The following EIF4G3 variants were observed in gnomAD, a reference collection of about 807,000 sequenced individuals.
EIF4G3 encodes eukaryotic translation initiation factor 4 gamma 3.
In EIF4G3, 34 loss-of-function variants were observed where a neutral mutation model predicts 186.4. The observed-to-expected ratio is 0.18, with a 90% confidence interval of 0.14 to 0.24. The LOEUF is 0.24. Ranked by LOEUF, EIF4G3 falls within the 10% of genes least tolerant of loss-of-function variation. EIF4G3 has a pLI of 1.00. For synonymous variants in EIF4G3, 673 were observed against 679.5 expected, an observed-to-expected ratio of 0.99 and a Z score of 0.15; for missense variants, 1,536 against 1,948.5, an observed-to-expected ratio of 0.79 and a Z score of 3.99.
chr1:21,036,726 C>T (rs141739602), intron 4 of EIF4G3, among the ~76,000 whole-genome samples: 7 of 151,952 alleles, frequency 4.6e-5, no homozygotes, highest in African/African-American at 1.4e-4. Context: ...CAAAAAAATA[C>T]AAAAATTAGC....
intron 12 of EIF4G3, among the ~76,000 whole-genome samples, chr1:20,964,333 A>G (rs146005574): frequency 7.9e-5 from 12 of 152,074 alleles, no homozygotes; most frequent in African/African-American, 2.9e-4. Context: ...GAGCCATGAT[A>G]TCCAGCCATG....
chr1:21,164,797 G>A (rs529239221), intron 2 of EIF4G3, among the ~76,000 whole-genome samples: 1 of 152,240 alleles, frequency 6.6e-6, no homozygotes, highest in East Asian at 1.9e-4. Context: ...TCAGGAGTTC[G>A]AGGCTGCAGT....
chr1:20,868,366 T>C (rs576330699), intron 20 of EIF4G3, among the ~76,000 whole-genome samples: 24 of 152,248 alleles, frequency 1.6e-4, no homozygotes, highest in African/African-American at 5.8e-4. Context: ...GAGGACCCTC[T>C]TCCTGGCTCG....
intron 3 of EIF4G3, among the ~76,000 whole-genome samples, chr1:21,071,381 G>C (rs1228943183): frequency 6.6e-6 from 1 of 151,994 alleles, no homozygotes; most frequent in Non-Finnish European, 1.5e-5. Flanking sequence ...ATGCTACCAT[G>C]CTCCAGCCTG....
At position 20,941,662 on chromosome 1, in the gene EIF4G3, GAGA is replaced by G. The variant is rs1369471928; in HGVS notation, c.1489_1491del (p.Ser497del). 1 of 1,613,938 alleles carries G rather than the reference GAGA, an allele frequency of 6.2e-7. No homozygotes were observed. The highest frequency in any genetic ancestry group is 8.5e-7 in the Non-Finnish European group (1 of 1,179,948). On this transcript the variant is annotated inframe_deletion, in exon 14 of 37. Coordinates refer to ENST00000602326, the MANE Select transcript of EIF4G3 (RefSeq NM_001391906.1). ...CTCTGGACTGTGATGGCAGCACTCG[GAGA>G]ACTAACAGTAGTGGCAGCAGCAGGA...
chr1:21,139,396 A>G (rs150690145), intron 2 of EIF4G3, among the ~76,000 whole-genome samples: 6 of 152,244 alleles, frequency 3.9e-5, no homozygotes, highest in African/African-American at 7.2e-5. Context: ...TTGAGGCAGC[A>G]GTAAGCTACA....
intron 2 of EIF4G3, among the ~76,000 whole-genome samples, chr1:21,127,255 G>A (rs1299326030): frequency 6.6e-6 from 1 of 152,092 alleles, no homozygotes; most frequent in African/African-American, 2.4e-5. Flanking sequence ...GGGATTACAG[G>A]CGTGATCTAC....
chr1:21,135,364 TG>T lies in EIF4G3; in HGVS notation c.-272+40810del, dbSNP rs377679268. ...AAAATACAAAATTAGCTGGCTGTGG[TG>T]GCGCATGCCTGTGATGCCAGCTACT... On this transcript the variant is annotated intron_variant, in intron 2 of 36. Coordinates refer to ENST00000602326, the MANE Select transcript of EIF4G3 (RefSeq NM_001391906.1). Among the ~76,000 whole-genome samples the T allele has an allele frequency of 1.4e-4, 22 of 152,268 alleles. No homozygotes were observed. The East Asian group carries it at 4.3e-3, about 29-fold the overall frequency.
At chr1:20,860,330 A>AT in intron 24 of EIF4G3, 55 bp downstream of exon 24, 1 of 1,601,120 alleles carries the variant, frequency 6.2e-7, no homozygotes, top group Non-Finnish European at 8.5e-7. Context: ...ATAATTCTTA[A>AT]TATGTATTCC....
At chr1:21,100,312 T>C (rs1366181020) in intron 2 of EIF4G3, among the ~76,000 whole-genome samples, 1 of 152,202 alleles carries the variant, frequency 6.6e-6, no homozygotes, top group Non-Finnish European at 1.5e-5. Flanking sequence ...GGATATTAAG[T>C]ATAATTTAAT....
At chr1:20,979,548 A>G (rs2077530827) in intron 10 of EIF4G3, among the ~76,000 whole-genome samples, 1 of 152,204 alleles carries the variant, frequency 6.6e-6, no homozygotes, top group South Asian at 2.1e-4. Flanking sequence ...GGAGAAAAAG[A>G]GATTGTGAAA....
At chr1:20,882,617 T>C (rs1217451168) in intron 19 of EIF4G3, among the ~76,000 whole-genome samples, 1 of 131,458 alleles carries the variant, frequency 7.6e-6, no homozygotes, top group African/African-American at 2.7e-5. Flanking sequence ...TGAGACTCCA[T>C]CTCAAAAAAA....
chr1:20,929,014 A>G (rs771888237), intron 14 of EIF4G3, among the ~76,000 whole-genome samples: 46 of 152,220 alleles, frequency 3.0e-4, no homozygotes, highest in Admixed American at 2.9e-3. Context: ...TTTTTCACTT[A>G]GCGTAATGTT....
intron 3 of EIF4G3, among the ~76,000 whole-genome samples, chr1:21,086,854 C>T (rs2095997535): frequency 6.6e-6 from 1 of 151,008 alleles, no homozygotes; most frequent in African/African-American, 2.4e-5. Context: ...GCAGGAGAAT[C>T]ACTTGAACCA....
chr1:20,961,367 G>A (rs909853898), intron 12 of EIF4G3, among the ~76,000 whole-genome samples: 1 of 152,142 alleles, frequency 6.6e-6, no homozygotes, highest in African/African-American at 2.4e-5. Flanking sequence ...TGGTGACAGA[G>A]CAAGACTCCG....
At chr1:20,843,895 G>C (rs1024517027) in intron 29 of EIF4G3, among the ~76,000 whole-genome samples, 1 of 152,166 alleles carries the variant, frequency 6.6e-6, no homozygotes, top group African/African-American at 2.4e-5. Flanking sequence ...TTATAAGTGA[G>C]AACATGAAGT....
rs1304381151 is a variant in EIF4G3, at chr1:21,007,531, AAAAAAAC to A, written c.-66-4730_-66-4724del. Among the ~76,000 whole-genome samples the A allele has an allele frequency of 2.6e-4, 38 of 143,930 alleles. 1 individual carries two copies. Among genetic ancestry groups the A allele is most frequent in the East Asian group, 4.1e-4 (2 of 4,858 alleles). The allele number at this position is 143,930 out of a possible 152,430, so 94.4% of individuals were successfully genotyped here. On this transcript the variant is annotated intron_variant, in intron 4 of 36. Coordinates refer to ENST00000602326, the MANE Select transcript of EIF4G3 (RefSeq NM_001391906.1). ...GCCCCTCCTTAAAAAAAAAAAAAAA[AAAAAAAC>A]ACACTCAAAAACAAAAAAACTGGAA...
chr1:21,005,443 CAT>C (rs1017515527), intron 4 of EIF4G3, among the ~76,000 whole-genome samples: 4 of 152,120 alleles, frequency 2.6e-5, no homozygotes, highest in African/African-American at 7.2e-5. Flanking sequence ...CTTACAAAAA[CAT>C]AAAGAAATGT....
In EIF4G3 at chr1:20,847,564, C is replaced by A. The variant is rs568571553; in HGVS notation, c.3888+1851G>T. On this transcript the variant is annotated intron_variant, in intron 29 of 36. Transcript: ENST00000602326. ...AAATTACATCTGAAGCCAATCTCCA[C>A]TGTTTTCTTCCTTACTGTCTTGGCG... 3.3e-3 allele frequency among the ~76,000 whole-genome samples: 506 copies of A among 152,330 alleles called. 2 individuals carry two copies. The highest frequency in any genetic ancestry group is 5.9e-3 in the Non-Finnish European group (399 of 68,030).
Sources: gnomAD v4.1 joint callset for allele counts (sites outside exome capture counted in the v4.1 genomes callset) on GRCh38, gnomAD v4.1.1 for gene constraint, MANE v1.5 for transcripts, NCBI Gene and HGNC (gene_info 2026-07-23, HGNC 2026-07-21) for gene names.